Variants in RNF24 observed in about 807,000 individuals in gnomAD.
The protein encoded by RNF24 is ring finger protein 24.
RNF24 carries 14 observed loss-of-function variants against 20.0 expected under a neutral mutation model. The ratio of observed to expected loss-of-function variants is 0.70; its 90% confidence interval spans 0.46 to 1.10. The LOEUF (loss-of-function observed/expected upper bound fraction) is 1.10, where lower values mean the gene tolerates loss of function less well. RNF24 is among the 50% of genes least tolerant of loss of function. The pLI is 0.00. For synonymous variants in RNF24, 45 were observed against 61.1 expected, an observed-to-expected ratio of 0.74 and a Z score of 1.23; for missense variants, 124 against 177.6, an observed-to-expected ratio of 0.70 and a Z score of 1.71.
chr20:3,946,769 A>G (rs957067719), intron 3 of RNF24, among the ~76,000 whole-genome samples: 1 of 152,036 alleles, frequency 6.6e-6, no homozygotes, highest in African/African-American at 2.4e-5. Flanking sequence ...AAAATACTCA[A>G]CTCTGATTTT....
intron 4 of RNF24, among the ~76,000 whole-genome samples, chr20:3,939,384 G>A (rs1043474150): frequency 2.0e-4 from 31 of 152,280 alleles, no homozygotes; most frequent in African/African-American, 6.7e-4. Context: ...ATAGTATGAG[G>A]TAGATGTCTA....
chr20:4,014,773 ACACAT>A (rs1458637113), intron 1 of RNF24, among the ~76,000 whole-genome samples: 1 of 145,284 alleles, frequency 6.9e-6, no homozygotes, highest in African/African-American at 2.6e-5. Context: ...ACACACACAC[ACACAT>A]CATTAGGTCT....
intron 1 of RNF24, among the ~76,000 whole-genome samples, chr20:3,971,737 A>G (rs1978373853): frequency 6.6e-6 from 1 of 152,198 alleles, no homozygotes; most frequent in Admixed American, 6.5e-5. Context: ...CAAAAAATCA[A>G]AAAGGACTTC....
chr20:3,978,661 A>G (rs1979112020), intron 1 of RNF24, among the ~76,000 whole-genome samples: 1 of 152,242 alleles, frequency 6.6e-6, no homozygotes, highest in Non-Finnish European at 1.5e-5. Context: ...GGCAAGTATA[A>G]GAAAGCAAGC....
At chr20:3,954,301 G>T (rs1172752953) in intron 2 of RNF24, among the ~76,000 whole-genome samples, 2 of 151,870 alleles carry the variant, frequency 1.3e-5, no homozygotes, top group African/African-American at 2.4e-5. Flanking sequence ...CTATAGATTT[G>T]CCTATTATGG....
chr20:4,010,317 G>T (rs986166760), intron 1 of RNF24, among the ~76,000 whole-genome samples: 9 of 152,170 alleles, frequency 5.9e-5, no homozygotes, highest in Non-Finnish European at 1.3e-4. Flanking sequence ...AGGTTGTGGT[G>T]AGCCGAGATT....
At chr20:3,988,361 T>C (rs1461745491) in intron 1 of RNF24, among the ~76,000 whole-genome samples, 1 of 151,778 alleles carries the variant, frequency 6.6e-6, no homozygotes, top group African/African-American at 2.4e-5. Context: ...TAAAAAAAAT[T>C]GGTGTGTCCA....
At chr20:3,967,346 C>A (rs554778152) in intron 1 of RNF24, among the ~76,000 whole-genome samples, 1 of 152,062 alleles carries the variant, frequency 6.6e-6, no homozygotes, top group Admixed American at 6.6e-5. Context: ...ACTTCATTCA[C>A]GTGAAAGCCT....
chr20:4,011,480 C>A (rs1982457747), intron 1 of RNF24, among the ~76,000 whole-genome samples: 3 of 127,194 alleles, frequency 2.4e-5, no homozygotes, highest in South Asian at 4.9e-4. Context: ...GATGGCTATG[C>A]AGTAGTCCAG....
chr20:3,938,747 A>T (rs1190018045), intron 4 of RNF24, among the ~76,000 whole-genome samples: 1 of 151,972 alleles, frequency 6.6e-6, no homozygotes, highest in Non-Finnish European at 1.5e-5. Flanking sequence ...AAAAGTTTTT[A>T]ATTTTTTTTT....
rs2090806676 is a variant in RNF24 at position 3,930,444 on chromosome 20, G to C, written c.*3619C>G. On this transcript the variant is annotated 3_prime_UTR_variant, in exon 6 of 6. Transcript: ENST00000358395. ...CAGCAGCCCCCATGACACCAGGCCT[G>C]CTGCCTACCAGGCTCTGGGCACCAG... 1 of 152,192 alleles carries C rather than the reference G, an allele frequency of 6.6e-6. No individual in the cohort carries two copies. The highest frequency in any genetic ancestry group is 1.5e-5 in the Non-Finnish European group (1 of 68,076). 9.4% of individuals were successfully genotyped at this position (152,192 alleles called of 1,614,324 possible).
At chr20:4,000,230 C>T (rs139145277) in intron 1 of RNF24, among the ~76,000 whole-genome samples, 1,701 of 152,214 alleles carry the variant, frequency 0.011, 14 homozygotes, top group Middle Eastern at 0.027. Flanking sequence ...TCATCAAAAA[C>T]GGTATTTTAA....
At chr20:3,945,042 C>T in intron 4 of RNF24, 135 bp downstream of exon 4, 1 of 1,142,166 alleles carries the variant, frequency 8.8e-7, no homozygotes, top group South Asian at 1.4e-5. Flanking sequence ...GTGACCTCAC[C>T]CTGAAATATT....
At chr20:3,977,065 T>C (rs907196867) in intron 1 of RNF24, among the ~76,000 whole-genome samples, 1 of 152,160 alleles carries the variant, frequency 6.6e-6, no homozygotes, top group African/African-American at 2.4e-5. Context: ...ACTGTGATAT[T>C]AGAACTGTAT....
At chr20:3,939,051 C>T (rs1313129735) in intron 4 of RNF24, among the ~76,000 whole-genome samples, 9 of 152,058 alleles carry the variant, frequency 5.9e-5, no homozygotes, top group Non-Finnish European at 2.9e-5. Flanking sequence ...CCATGGCTGG[C>T]CTGATGAAGT....
chr20:3,994,324 A>G (rs1980690849), intron 1 of RNF24, among the ~76,000 whole-genome samples: 1 of 152,214 alleles, frequency 6.6e-6, no homozygotes, highest in Non-Finnish European at 1.5e-5. Context: ...TATCAGTTGT[A>G]TTTGTGACAC....
chr20:3,940,222 T>A (rs2090939135), intron 4 of RNF24, among the ~76,000 whole-genome samples: 1 of 151,998 alleles, frequency 6.6e-6, no homozygotes, highest in African/African-American at 2.4e-5. Context: ...TCTCCCAAAG[T>A]GTTAAGATTA....
intron 2 of RNF24, among the ~76,000 whole-genome samples, chr20:3,960,089 T>C (rs1467893437): frequency 1.3e-5 from 2 of 152,162 alleles, no homozygotes; most frequent in African/African-American, 4.8e-5. Flanking sequence ...AAGACTGTGG[T>C]TGGTAGTGAC....
At chr20:4,011,897 T>C (rs1330911671) in intron 1 of RNF24, among the ~76,000 whole-genome samples, 1 of 151,858 alleles carries the variant, frequency 6.6e-6, no homozygotes, top group African/African-American at 2.4e-5. Flanking sequence ...TATCCAAAAG[T>C]GAAGAGCTAA....
Sources: gnomAD v4.1 joint callset for allele counts (sites outside exome capture counted in the v4.1 genomes callset) on GRCh38, gnomAD v4.1.1 for gene constraint, MANE v1.5 for transcripts, NCBI Gene and HGNC (gene_info 2026-07-23, HGNC 2026-07-21) for gene names.